Variants in CCDC77 observed in about 807,000 individuals in gnomAD.
The protein encoded by CCDC77 is coiled-coil domain-containing protein 77.
CCDC77 carries 56 observed loss-of-function variants against 66.8 expected under a neutral mutation model. The ratio of observed to expected loss-of-function variants is 0.84; its 90% CI spans 0.68 to 1.05. The LOEUF (loss-of-function observed/expected upper bound fraction) is 1.05, where lower values mean the gene tolerates loss of function less well. Among genes scored for constraint, CCDC77 ranks in the 50% least tolerant of loss-of-function variants. The pLI is 0.00. For missense variants in CCDC77, 570 were observed against 576.8 expected, an observed-to-expected ratio of 0.99 and a Z score of 0.12; for synonymous variants, 196 against 195.2, an observed-to-expected ratio of 1.00 and a Z score of -0.03.
At chr12:399,486 A>G (rs111550914), upstream of CCDC77, among the ~76,000 whole-genome samples, 1 of 152,238 alleles carries the variant, frequency 6.6e-6, no homozygotes, top group African/African-American at 2.4e-5. Context: ...ATATTTCTTA[A>G]TAAGACCTGA....
upstream of CCDC77, among the ~76,000 whole-genome samples, chr12:400,830 G>T (rs1006255988): frequency 7.2e-5 from 11 of 152,176 alleles, no homozygotes; most frequent in East Asian, 5.8e-4. Context: ...TAGGAAAAAT[G>T]GCGCAGATAG....
chr12:414,723 G>A (rs1002853935), intron 4 of CCDC77, among the ~76,000 whole-genome samples: 8 of 151,942 alleles, frequency 5.3e-5, no homozygotes, highest in East Asian at 1.9e-4. Flanking sequence ...CATTGCCTAC[G>A]GTTCTTCCAG....
Position 418,494 on chromosome 12 carries a change from C to T in CCDC77, c.271C>T (p.His91Tyr). ...CTATCTTATTGTGGTTTTTTTGCAG[C>T]ATAAACTTGAATGTGATTTGCAGCA... ...ELYKEACEGQ[H>Y]KLECDLQQRE... Residue 91 changes from histidine to tyrosine, a missense_variant and splice_region_variant, in exon 5 of 13, where the codon CAT (histidine) becomes TAT (tyrosine). Transcript: ENST00000239830. The T allele has an allele frequency of 6.2e-7, 1 of 1,613,742 alleles. No homozygotes were observed.
chr12:418,754 C>T (rs1591977284), intron 5 of CCDC77, 118 bp downstream of exon 5: 2 of 1,119,844 alleles, frequency 1.8e-6, no homozygotes, highest in East Asian at 2.5e-5. Flanking sequence ...GGCTGGAGTA[C>T]AGTGGCGCTC....
chr12:440,838 A>G lies in CCDC77; in HGVS notation c.1168-6A>G, dbSNP rs760630012. The stretch of plus-strand genomic sequence containing the variant: ...TCGTAAATGCCTTCCCATTCCCCAT[A>G]TTTAGGATCGCACTAACAAGATGGG... On this transcript the variant is annotated splice_polypyrimidine_tract_variant and splice_region_variant and intron_variant, in intron 11 of 12. Transcript: ENST00000239830. 2 of 1,613,414 alleles carry G rather than the reference A, an allele frequency of 1.2e-6. No homozygotes were observed. The highest frequency in any genetic ancestry group is 1.6e-4 in the Middle Eastern group (1 of 6,062).
chr12:409,587 G>C, intron 3 of CCDC77, 166 bp downstream of exon 3: 1 of 634,498 alleles, frequency 1.6e-6, no homozygotes, highest in Admixed American at 2.7e-5. Flanking sequence ...TGCAATCATT[G>C]CTCATTGCAG....
intron 3 of CCDC77, 89 bp downstream of exon 3, chr12:409,510 CAT>C: frequency 8.0e-7 from 1 of 1,256,848 alleles, no homozygotes; most frequent in South Asian, 1.2e-5. Flanking sequence ...GTATTGGAAA[CAT>C]ATTTCCTAAA....
chr12:438,093 A>T (rs932678720), intron 9 of CCDC77, among the ~76,000 whole-genome samples: 1 of 152,160 alleles, frequency 6.6e-6, no homozygotes, highest in African/African-American at 2.4e-5. Context: ...TGAAGTTCGC[A>T]CTCAGGAAAG....
intron 2 of CCDC77, among the ~76,000 whole-genome samples, chr12:406,361 A>G (rs1470577743): frequency 6.6e-6 from 1 of 152,216 alleles, no homozygotes; most frequent in Non-Finnish European, 1.5e-5. Flanking sequence ...AGAACATCAT[A>G]GCAAAGAGAA....
rs1345741967 is a variant in CCDC77, at chr12:415,410, GTTGATA to G, written c.271-3081_271-3076del. The stretch of plus-strand genomic sequence containing the variant: ...TATGTTAATATAATCAACATAATAT[GTTGATA>G]TTATTAACATAATTAACATAATAAT... On this transcript the variant is annotated intron_variant, in intron 4 of 12. Coordinates refer to ENST00000239830, the MANE Select transcript of CCDC77 (RefSeq NM_032358.4). Among the ~76,000 whole-genome samples, 80 of 67,154 alleles carry G rather than the reference GTTGATA, an allele frequency of 1.2e-3. 8 individuals are homozygous for G. The highest frequency in any genetic ancestry group is 2.7e-3 in the South Asian group (4 of 1,482). 44.1% of individuals were successfully genotyped at this position (67,154 alleles called of 152,430 possible). A position where few individuals can be genotyped will look rare whatever the true frequency, so the allele number is the denominator to read the frequency against.
chr12:418,685 T>C, intron 5 of CCDC77, 49 bp downstream of exon 5: 2 of 1,384,104 alleles, frequency 1.4e-6, no homozygotes, highest in South Asian at 1.3e-5. Context: ...TAAATTACAT[T>C]CATTCATTCA....
chr12:389,780 C>A (rs1187519593), intron 1 of CCDC77, among the ~76,000 whole-genome samples: 1 of 152,194 alleles, frequency 6.6e-6, no homozygotes, highest in Non-Finnish European at 1.5e-5. Flanking sequence ...TACCCTGCTG[C>A]GTTTATAGCA....
intron 2 of CCDC77, among the ~76,000 whole-genome samples, chr12:406,910 G>T (rs1945002950): frequency 6.6e-6 from 1 of 152,206 alleles, no homozygotes; most frequent in Admixed American, 6.5e-5. Context: ...TTGCGCCATC[G>T]CACTCCAGCT....
At chr12:441,148 A>G (rs1945850571) in intron 12 of CCDC77, 152 bp downstream of exon 12, 4 of 769,848 alleles carry the variant, frequency 5.2e-6, no homozygotes, top group Non-Finnish European at 8.3e-6. Context: ...AATTAGTTCA[A>G]GAACATGCTA....
chr12:423,469 T>G (rs1945455196), intron 5 of CCDC77, among the ~76,000 whole-genome samples: 1 of 54,592 alleles, frequency 1.8e-5, no homozygotes, highest in East Asian at 7.0e-4. Flanking sequence ...GTGTTTTTTG[T>G]GTTTTTTGTG....
intron 5 of CCDC77, among the ~76,000 whole-genome samples, chr12:423,134 T>TTTG: frequency 7.5e-6 from 1 of 132,734 alleles, no homozygotes; most frequent in African/African-American, 2.9e-5. Context: ...TTTTTTTTTT[T>TTTG]TTTTGAGACA....
At chr12:412,993 C>T (rs1209699134) in intron 4 of CCDC77, among the ~76,000 whole-genome samples, 4 of 151,926 alleles carry the variant, frequency 2.6e-5, no homozygotes, top group Admixed American at 6.6e-5. Context: ...GGCTGGAGTG[C>T]AGTGGCGCGA....
intron 6 of CCDC77, among the ~76,000 whole-genome samples, chr12:430,184 G>C (rs1945625307): frequency 6.6e-6 from 1 of 151,594 alleles, no homozygotes; most frequent in African/African-American, 2.4e-5. Flanking sequence ...ATAGAGATGG[G>C]GTTTCTCCAT....
At chr12:427,623 C>T (rs920657777) in intron 5 of CCDC77, among the ~76,000 whole-genome samples, 14 of 151,790 alleles carry the variant, frequency 9.2e-5, no homozygotes, top group Non-Finnish European at 1.6e-4. Flanking sequence ...TACAGGTGCA[C>T]GCCACCACGC....
Sources: allele counts gnomAD v4.1 joint callset (sites outside exome capture counted in the v4.1 genomes callset), GRCh38; gene constraint gnomAD v4.1.1; transcripts MANE v1.5; gene names NCBI Gene and HGNC (gene_info 2026-07-23, HGNC 2026-07-21).